Variants in IDE observed in about 807,000 individuals in gnomAD.
IDE encodes insulin degrading enzyme, also known as insulin-degrading enzyme.
A neutral mutation model predicts 133.2 loss-of-function variants in IDE; 58 were observed. The observed-to-expected ratio is 0.44, with a 90% confidence interval of 0.35 to 0.54. The LOEUF (loss-of-function observed/expected upper bound fraction) is 0.54, where lower values mean the gene tolerates loss of function less well. Among genes scored for constraint, IDE ranks in the 20% least tolerant of loss-of-function variants. IDE has a pLI of 0.00. For missense variants in IDE, 981 were observed against 1,234.0 expected (o/e 0.79, Z 3.07); for synonymous variants, 396 against 421.3 (o/e 0.94, Z 0.73).
rs527729095 is a variant in IDE at position 92,513,923 on chromosome 10, T to G, written c.784+997A>C. ...CACAAATATTTAATACCTGAGGTAT[T>G]AATACTATAAAGAAAAAGCAGGTAA... On this transcript the variant is annotated intron_variant, in intron 5 of 24. Coordinates refer to ENST00000265986, the MANE Select transcript of IDE (RefSeq NM_004969.4). 2.6e-5 allele frequency among the ~76,000 whole-genome samples: 4 copies of G among 152,204 alleles called. No individual in the cohort carries two copies. The South Asian group carries it at 8.3e-4, about 32-fold the overall frequency.
chr10:92,455,699 AC>A, intron 23 of IDE, 56 bp from the exon 24 acceptor site: 5 of 1,002,362 alleles, frequency 5.0e-6, no homozygotes, highest in African/African-American at 1.7e-5. Context: ...TCACAAAAGA[AC>A]AAAAAAAAAA....
chr10:92,524,609 G>A (rs1056158644), intron 4 of IDE, among the ~76,000 whole-genome samples: 1 of 131,934 alleles, frequency 7.6e-6, no homozygotes, highest in East Asian at 2.1e-4. Context: ...TTCATCTCAG[G>A]GATGCAAAGA....
intron 1 of IDE, among the ~76,000 whole-genome samples, chr10:92,538,113 G>T (rs967002648): frequency 6.6e-6 from 1 of 152,066 alleles, no homozygotes; most frequent in South Asian, 2.1e-4. Context: ...AGCTCAAGCC[G>T]TCTGTCCACC....
chr10:92,504,305 T>C (rs75342442), intron 11 of IDE, among the ~76,000 whole-genome samples: 1 of 152,300 alleles, frequency 6.6e-6, no homozygotes, highest in Non-Finnish European at 1.5e-5. Flanking sequence ...ATACCTCTGC[T>C]ACTATAAGAG....
chr10:92,468,789 G>C, intron 19 of IDE, 90 bp downstream of exon 19: 1 of 659,316 alleles, frequency 1.5e-6, no homozygotes, highest in South Asian at 2.1e-5. Context: ...AATCTTTGGC[G>C]TAAAACTATA....
intron 4 of IDE, among the ~76,000 whole-genome samples, chr10:92,518,025 G>C (rs1831901312): frequency 6.6e-6 from 1 of 152,062 alleles, no homozygotes; most frequent in Non-Finnish European, 1.5e-5. Flanking sequence ...CTACCTGAGG[G>C]GTCCAGATGC....
chr10:92,460,784 T>C (rs1229227204), intron 22 of IDE, among the ~76,000 whole-genome samples: 3 of 152,180 alleles, frequency 2.0e-5, no homozygotes, highest in African/African-American at 7.2e-5. Flanking sequence ...AAAAACACCT[T>C]CATAAATCCA....
At chr10:92,460,335 T>C (rs533014463) in intron 22 of IDE, among the ~76,000 whole-genome samples, 28 of 152,354 alleles carry the variant, frequency 1.8e-4, no homozygotes, top group Middle Eastern at 3.4e-3. Flanking sequence ...TTGTCAGAGC[T>C]TGGAAAATAA....
rs750134020 is a variant in IDE at position 92,461,270 on chromosome 10, C to T, written c.2762-18G>A. 7 of 1,242,790 alleles carry T rather than the reference C, an allele frequency of 5.6e-6. No homozygotes were observed. The highest frequency in any genetic ancestry group is 2.4e-5 in the South Asian group (2 of 82,792). 77.0% of individuals were successfully genotyped at this position (1,242,790 alleles called of 1,614,324 possible). On this transcript the variant is annotated intron_variant, in intron 21 of 24. Coordinates refer to ENST00000265986, the MANE Select transcript of IDE (RefSeq NM_004969.4). ...AGTGTTATCTGAAAAAGTAATCAAA[C>T]AATATTTTACTAACATTTTCATATG...
At chr10:92,552,440 A>G (rs2135763798) in intron 1 of IDE, among the ~76,000 whole-genome samples, 1 of 152,342 alleles carries the variant, frequency 6.6e-6, no homozygotes, top group South Asian at 2.1e-4. Flanking sequence ...ATATACAAAA[A>G]GACATAGAAA....
chr10:92,471,008 C>G lies in IDE; in HGVS notation c.2117-663G>C, dbSNP rs867809997. On this transcript the variant is annotated intron_variant, in intron 17 of 24. Coordinates refer to ENST00000265986, the MANE Select transcript of IDE (RefSeq NM_004969.4). ...TGCAATTTGGAAAAGCCCACTTGCC[C>G]ATCTACACCTATTTTTCCCTTTGTA... is the stretch of plus-strand genomic sequence containing the variant. Among the ~76,000 whole-genome samples, 114 of 150,258 alleles carry G rather than the reference C, an allele frequency of 7.6e-4. 1 individual carries two copies. The highest frequency in any genetic ancestry group is 2.7e-3 in the African/African-American group (111 of 40,802).
At chr10:92,509,325 G>C (rs970619539) in intron 6 of IDE, among the ~76,000 whole-genome samples, 1 of 152,124 alleles carries the variant, frequency 6.6e-6, no homozygotes, top group Non-Finnish European at 1.5e-5. Context: ...GGGTGCGGTG[G>C]CTCACACCTA....
chr10:92,480,950 T>A, intron 14 of IDE: 1 of 936,452 alleles, frequency 1.1e-6, no homozygotes, highest in Non-Finnish European at 1.3e-6. Flanking sequence ...ATAAAATGTG[T>A]AGTCACTTAG....
At chr10:92,492,675 T>C (rs1275917547) in intron 11 of IDE, among the ~76,000 whole-genome samples, 1 of 152,206 alleles carries the variant, frequency 6.6e-6, no homozygotes, top group African/African-American at 2.4e-5. Flanking sequence ...CCCCAGAGGT[T>C]TGATTCTAGC....
rs372374284 is a variant in IDE, at chr10:92,505,678, G to C, written c.1326+764C>G. Among the ~76,000 whole-genome samples, 12 of 152,322 alleles carry C rather than the reference G, an allele frequency of 7.9e-5. No homozygotes were observed. In the East Asian group the frequency reaches 9.6e-4, roughly 12 times the overall value. ...GGCATTATTTTAGATTGGGAGGTCA[G>C]AGAAGGTCTGAGGAGAAGAACTCTG... is the stretch of plus-strand genomic sequence containing the variant. On this transcript the variant is annotated intron_variant, in intron 10 of 24. Transcript: ENST00000265986.
chr10:92,475,920 C>T lies in IDE; in HGVS notation c.1959G>A (p.Glu653=). The change falls in exon 16 of 25, where the codon GAG becomes GAA. Residue 653 remains glutamate (E), a synonymous_variant. Coordinates refer to ENST00000265986, the MANE Select transcript of IDE (RefSeq NM_004969.4). ...KKIIEKMATF[E]IDEKRFEIIK... is the part of the protein sequence containing the mutation. ...TAATTTCAAATCTTTTTTCATCAAT[C>T]TCAAAGGTAGCCATTTTCTCAATAA... is the stretch of plus-strand genomic sequence containing the variant. 1 of 1,529,346 alleles carries T rather than the reference C, an allele frequency of 6.5e-7. No homozygotes were observed. The highest frequency in any genetic ancestry group is 9.0e-7 in the Non-Finnish European group (1 of 1,116,834). The allele number at this position is 1,529,346 out of a possible 1,614,324, so 94.7% of individuals were successfully genotyped here. A position where few individuals can be genotyped will look rare whatever the true frequency, so the allele number is the denominator to read the frequency against.
At chr10:92,503,445 T>C (rs1364018830) in intron 11 of IDE, among the ~76,000 whole-genome samples, 1 of 152,158 alleles carries the variant, frequency 6.6e-6, no homozygotes, top group Non-Finnish European at 1.5e-5. Context: ...AAATAGAATA[T>C]TTAGCTGAAT....
intron 2 of IDE, among the ~76,000 whole-genome samples, chr10:92,536,383 C>CAA (rs58280739): frequency 7.3e-5 from 4 of 54,846 alleles, no homozygotes; most frequent in Admixed American, 2.3e-4. Flanking sequence ...AACTCCGTCT[C>CAA]AAAAAAAAAA....
At chr10:92,571,868 G>A (rs1377505666) in intron 1 of IDE, among the ~76,000 whole-genome samples, 1 of 152,190 alleles carries the variant, frequency 6.6e-6, no homozygotes, top group Non-Finnish European at 1.5e-5. Flanking sequence ...ACATTCTTCC[G>A]ACTATGTACA....
Sources: gnomAD v4.1 joint callset for allele counts (sites outside exome capture counted in the v4.1 genomes callset) on GRCh38, gnomAD v4.1.1 for gene constraint, MANE v1.5 for transcripts, NCBI Gene and HGNC (gene_info 2026-07-23, HGNC 2026-07-21) for gene names.